Variants in FAM83B observed in about 807,000 individuals in gnomAD.
The protein encoded by FAM83B is protein FAM83B.
FAM83B carries 26 observed loss-of-function variants against 38.8 expected under a neutral mutation model. That is an observed-to-expected ratio of 0.67 (90% confidence interval 0.49 to 0.93). The LOEUF is 0.93. FAM83B is among the 40% of genes least tolerant of loss of function. The pLI is 0.00. For synonymous variants in FAM83B, 419 were observed against 423.1 expected (o/e 0.99, Z 0.12); for missense variants, 1,237 against 1,197.3 (o/e 1.03, Z -0.49).
At position 54,907,868 on chromosome 6, in the gene FAM83B, A is replaced by G. The variant is rs550403850; in HGVS notation, c.445-18503A>G. Among the ~76,000 whole-genome samples, 38 of 152,302 alleles carry G rather than the reference A, an allele frequency of 2.5e-4. No homozygotes were observed. The South Asian group carries it at 7.5e-3, about 30-fold the overall frequency. ...TGGGAAGAGACCTAAGGTCATAAGT[A>G]TTATGAGAACATATTTAGCTTGAAT... On this transcript the variant is annotated intron_variant, in intron 2 of 4. Coordinates refer to ENST00000306858, the MANE Select transcript of FAM83B (RefSeq NM_001010872.3).
intron 1 of FAM83B, among the ~76,000 whole-genome samples, chr6:54,864,527 G>A (rs1380423942): frequency 2.0e-5 from 3 of 152,048 alleles, no homozygotes; most frequent in Non-Finnish European, 1.5e-5. Context: ...CTGTGCTATT[G>A]GGCCATGTTG....
intron 3 of FAM83B, among the ~76,000 whole-genome samples, chr6:54,927,117 G>T (rs1182590306): frequency 6.6e-6 from 1 of 152,056 alleles, no homozygotes; most frequent in African/African-American, 2.4e-5. Context: ...CAGTGACTCT[G>T]GTGCTTCTAT....
In FAM83B at chr6:54,942,242, T is replaced by C. The variant is rs753264689; in HGVS notation, c.*235T>C. 6.6e-6 allele frequency among the ~76,000 whole-genome samples: 1 copy of C among 152,238 alleles called. No homozygotes were observed. Among genetic ancestry groups the C allele is most frequent in the African/African-American group, 2.4e-5 (1 of 41,466 alleles). ...GTGGTAATGGTAAAAATAATAGATG[T>C]ATTTAAATCATTTTCTTTAGACTGA... On this transcript the variant is annotated 3_prime_UTR_variant, in exon 5 of 5. Coordinates refer to ENST00000306858, the MANE Select transcript of FAM83B (RefSeq NM_001010872.3).
rs1561933678 is a variant in FAM83B, at chr6:54,941,275, GA to G, written c.2309del (p.Lys770ArgfsTer6). The G allele has an allele frequency of 1.2e-6, 2 of 1,600,354 alleles. No homozygotes were observed. The highest frequency in any genetic ancestry group is 1.7e-6 in the Non-Finnish European group (2 of 1,176,400). ...KEVKGSPSFLKKGSQKLRSLL... is the reference protein window; with the variant it reads ...KEVKGSPSFLXKGSQKLRSLL... ...AAGTTAAGGGTTCCCCAAGTTTTTT[GA>G]AAAAGGGGTCTCAGAAGTTAAGGTC... On this transcript the variant is annotated frameshift_variant, in exon 5 of 5. Transcript: ENST00000306858. LOFTEE classifies it high-confidence loss of function.
chr6:54,939,775 C>A lies in FAM83B; in HGVS notation c.804C>A (p.Ser268=), dbSNP rs142915319. The A allele has an allele frequency of 1.6e-3, 2,642 of 1,613,752 alleles. 33 individuals are homozygous for A. Among genetic ancestry groups the A allele is most frequent in the South Asian group, 0.016 (1,490 of 91,070 alleles). ...TAATTACAGGACAACTTGTTGAGTC[C>A]TTTGATGAAGAATTTAGAACTCTCT... ...VQIITGQLVE[S]FDEEFRTLYA... The change falls in exon 5 of 5, where the codon TCC becomes TCA. Residue 268 remains serine (S), a synonymous_variant. Transcript: ENST00000306858.
intron 4 of FAM83B, among the ~76,000 whole-genome samples, chr6:54,928,275 A>G (rs1773350104): frequency 6.6e-6 from 1 of 152,194 alleles, no homozygotes; most frequent in South Asian, 2.1e-4. Context: ...GGAAGAATCC[A>G]GAAGAGCTAT....
At position 54,943,005 on chromosome 6, in the gene FAM83B, C is replaced by T. The variant is rs539897560; in HGVS notation, c.*998C>T. Among the ~76,000 whole-genome samples the T allele has an allele frequency of 4.0e-5, 6 of 151,798 alleles. No individual in the cohort carries two copies. Among genetic ancestry groups the T allele is most frequent in the East Asian group, 1.9e-4 (1 of 5,134 alleles). ...GCAACCTCTGCCTCCCAAGTTCAAA[C>T]GATTCTCCTGCCTCAGCCTCCTGAG... is the stretch of plus-strand genomic sequence containing the variant. On this transcript the variant is annotated 3_prime_UTR_variant, in exon 5 of 5. Coordinates refer to ENST00000306858, the MANE Select transcript of FAM83B (RefSeq NM_001010872.3).
intron 2 of FAM83B, among the ~76,000 whole-genome samples, chr6:54,907,413 TG>T (rs1354381966): frequency 1.1e-4 from 2 of 18,768 alleles, no homozygotes; most frequent in East Asian, 0.019. Flanking sequence ...AAAAATTCAG[TG>T]AGTAAGTTTT....
chr6:54,926,465 T>C lies in FAM83B; in HGVS notation c.539T>C (p.Leu180Pro), dbSNP rs1182323026. 1 of 1,611,464 alleles carries C rather than the reference T, an allele frequency of 6.2e-7. No homozygotes were observed. Among genetic ancestry groups the C allele is most frequent in the Non-Finnish European group, 8.5e-7 (1 of 1,178,248 alleles). ...CGAGGAGTATCTGTTTACATTCTGC[T>C]TGATGAGTCCAATTTTAATCATTTT... ...STRGVSVYIL[L>P]DESNFNHFLN... The change falls in exon 3 of 5, where the codon CTT (leucine) becomes CCT (proline). Residue 180 changes from leucine (L) to proline (P), a missense_variant. Leu to Pro is a moderately conservative substitution (Grantham distance 98). Transcript: ENST00000306858.
intron 2 of FAM83B, among the ~76,000 whole-genome samples, chr6:54,910,877 GT>G (rs5876413): frequency 1.3e-5 from 2 of 151,436 alleles, no homozygotes; most frequent in Non-Finnish European, 2.9e-5. Context: ...TTGAAGAACT[GT>G]TTTTTTTCCC....
intron 2 of FAM83B, among the ~76,000 whole-genome samples, chr6:54,886,893 T>C (rs1241915901): frequency 6.6e-6 from 1 of 151,702 alleles, no homozygotes; most frequent in Non-Finnish European, 1.5e-5. Context: ...AGATTCAATA[T>C]TTATATATAC....
intron 2 of FAM83B, among the ~76,000 whole-genome samples, chr6:54,882,361 A>G (rs1160172977): frequency 6.6e-6 from 1 of 152,238 alleles, no homozygotes; most frequent in Non-Finnish European, 1.5e-5. Context: ...ATGTATTAAC[A>G]CATTTATCTT....
At chr6:54,880,166 CAAGTGATTTA>C (rs1407627832) in intron 2 of FAM83B, among the ~76,000 whole-genome samples, 1 of 152,150 alleles carries the variant, frequency 6.6e-6, no homozygotes, top group African/African-American at 2.4e-5. Flanking sequence ...AAGCCCACTT[CAAGTGATTTA>C]AAGTCTAATA....
At chr6:54,878,855 A>G (rs1207999871) in intron 2 of FAM83B, among the ~76,000 whole-genome samples, 1 of 152,212 alleles carries the variant, frequency 6.6e-6, no homozygotes, top group African/African-American at 2.4e-5. Flanking sequence ...AGCATATCAG[A>G]TATTACTAAA....
chr6:54,900,121 T>C (rs1772628139), intron 2 of FAM83B, among the ~76,000 whole-genome samples: 1 of 152,224 alleles, frequency 6.6e-6, no homozygotes, highest in Non-Finnish European at 1.5e-5. Flanking sequence ...CATGAAGTTT[T>C]TGTTGTACAT....
At chr6:54,921,932 C>A (rs1773182432) in intron 2 of FAM83B, among the ~76,000 whole-genome samples, 1 of 151,990 alleles carries the variant, frequency 6.6e-6, no homozygotes, top group Non-Finnish European at 1.5e-5. Flanking sequence ...TGCAGCATAG[C>A]TAGAAGTTAC....
intron 2 of FAM83B, among the ~76,000 whole-genome samples, chr6:54,874,946 T>C (rs558497730): frequency 3.9e-5 from 6 of 152,196 alleles, no homozygotes; most frequent in Non-Finnish European, 7.4e-5. Context: ...TAGAGAAATA[T>C]TAACCATCAG....
chr6:54,848,315 C>T lies in FAM83B; in HGVS notation c.-61+1489C>T, dbSNP rs568817836. Among the ~76,000 whole-genome samples the T allele has an allele frequency of 5.9e-5, 9 of 152,232 alleles. No individual in the cohort carries two copies. The South Asian group carries it at 1.9e-3, about 32-fold the overall frequency. On this transcript the variant is annotated intron_variant, in intron 1 of 4. Coordinates refer to ENST00000306858, the MANE Select transcript of FAM83B (RefSeq NM_001010872.3). ...GCTCAGGCACACGTGGGGTATACAC[C>T]TATTTAGGGTGCTGGCTACACCCTC...
intron 1 of FAM83B, among the ~76,000 whole-genome samples, chr6:54,856,069 G>A (rs745511292): frequency 6.6e-6 from 1 of 152,122 alleles, no homozygotes; most frequent in Non-Finnish European, 1.5e-5. Context: ...TAGTGTTGTA[G>A]CAATTGCTAA....
Sources: gnomAD v4.1 joint callset for allele counts (sites outside exome capture counted in the v4.1 genomes callset) on GRCh38, gnomAD v4.1.1 for gene constraint, MANE v1.5 for transcripts, NCBI Gene and HGNC (gene_info 2026-07-23, HGNC 2026-07-21) for gene names.